The following SUGCT variants were observed in gnomAD, a reference collection of about 807,000 sequenced individuals.
SUGCT encodes the protein succinyl-CoA:glutarate-CoA transferase.
SUGCT carries 41 observed loss-of-function variants against 55.0 expected under a neutral mutation model. That is an observed-to-expected ratio of 0.74 (90% CI 0.58 to 0.97). SUGCT has a LOEUF of 0.97. Ranked by LOEUF, SUGCT falls within the 50% of genes least tolerant of loss-of-function variation. SUGCT has a pLI of 0.00. For missense variants in SUGCT, 568 were observed against 547.8 expected (o/e 1.04, Z -0.37); for synonymous variants, 187 against 200.4 (o/e 0.93, Z 0.56).
chr7:40,454,933 C>T (rs535194348), intron 10 of SUGCT, among the ~76,000 whole-genome samples: 20 of 152,164 alleles, frequency 1.3e-4, no homozygotes, highest in Middle Eastern at 3.4e-3. Context: ...GGAAAAGTAA[C>T]GTAAATAGTA....
At position 40,716,649 on chromosome 7, in the gene SUGCT, A is replaced by G. The variant is rs537340172; in HGVS notation, c.1090-32785A>G. ...GAGATTACTTTTATTAAATATTTCA[A>G]TTTAATATATAATAATAGAAAACTA... is the stretch of plus-strand genomic sequence containing the variant. On this transcript the variant is annotated intron_variant, in intron 12 of 13. Transcript: ENST00000335693. 3.0e-4 allele frequency among the ~76,000 whole-genome samples: 46 copies of G among 152,190 alleles called. No homozygotes were observed. The East Asian group carries it at 8.7e-3, about 29-fold the overall frequency.
At chr7:40,313,262 A>C in intron 8 of SUGCT, among the ~76,000 whole-genome samples, 1 of 152,212 alleles carries the variant, frequency 6.6e-6, no homozygotes, top group East Asian at 1.9e-4. Flanking sequence ...TAATAAGCCT[A>C]AGTTTAGGGA....
intron 8 of SUGCT, among the ~76,000 whole-genome samples, chr7:40,312,375 A>T (rs995193086): frequency 6.6e-6 from 1 of 152,106 alleles, no homozygotes; most frequent in African/African-American, 2.4e-5. Context: ...TTTTGTATCC[A>T]TCTGGATATT....
At chr7:40,904,351 C>T in the SUGCT span, among the ~76,000 whole-genome samples, 1 of 152,208 alleles carries the variant, frequency 6.6e-6, no homozygotes, top group Non-Finnish European at 1.5e-5. Context: ...TTGGATTTTA[C>T]ACCATGAGGT....
downstream of SUGCT, among the ~76,000 whole-genome samples, chr7:40,863,916 G>T (rs1563056964): frequency 6.6e-6 from 1 of 152,024 alleles, no homozygotes; most frequent in Admixed American, 6.6e-5. Flanking sequence ...GGAAGATGAA[G>T]AGATGCAGAA....
intron 9 of SUGCT, among the ~76,000 whole-genome samples, chr7:40,368,492 C>T (rs750653671): frequency 1.4e-4 from 22 of 152,072 alleles, no homozygotes; most frequent in Admixed American, 9.8e-4. Context: ...CCACCACACC[C>T]GGACTATTGT....
chr7:40,883,643 C>T, the SUGCT span, among the ~76,000 whole-genome samples: 1 of 152,160 alleles, frequency 6.6e-6, no homozygotes, highest in African/African-American at 2.4e-5. Context: ...ATGTTGGCTG[C>T]TATAATTGTT....
the SUGCT span, among the ~76,000 whole-genome samples, chr7:41,017,155 A>G: frequency 1.3e-5 from 2 of 152,138 alleles, no homozygotes; most frequent in African/African-American, 4.8e-5. Context: ...CTTGCAAAGC[A>G]ATACAGACGT....
At chr7:40,874,808 A>G in the SUGCT span, among the ~76,000 whole-genome samples, 2 of 152,190 alleles carry the variant, frequency 1.3e-5, no homozygotes, top group Non-Finnish European at 2.9e-5. Context: ...AGGCTTCAAG[A>G]TCTATCCTTT....
chr7:40,245,419 ATATATT>A (rs1426427755), intron 7 of SUGCT, among the ~76,000 whole-genome samples: 2 of 24,974 alleles, frequency 8.0e-5, no homozygotes, highest in South Asian at 1.7e-3. Context: ...ATATATATAT[ATATATT>A]TTTTTTTTTT....
intron 12 of SUGCT, among the ~76,000 whole-genome samples, chr7:40,655,053 T>C (rs1295085038): frequency 6.6e-6 from 1 of 152,160 alleles, no homozygotes; most frequent in Non-Finnish European, 1.5e-5. Context: ...ATATCACTTT[T>C]GGAGGCTGAG....
intron 13 of SUGCT, among the ~76,000 whole-genome samples, chr7:40,806,609 ACAT>A (rs923948424): frequency 8.5e-5 from 13 of 152,206 alleles, no homozygotes; most frequent in African/African-American, 3.1e-4. Flanking sequence ...GTTAGGAAAA[ACAT>A]CATCATGAAT....
At chr7:40,295,745 T>G in intron 8 of SUGCT, among the ~76,000 whole-genome samples, 1 of 152,176 alleles carries the variant, frequency 6.6e-6, no homozygotes, top group East Asian at 1.9e-4. Flanking sequence ...ATGTAAACAT[T>G]GTCTGTATGA....
chr7:40,873,149 A>C, the SUGCT span, among the ~76,000 whole-genome samples: 1 of 152,256 alleles, frequency 6.6e-6, no homozygotes, highest in Non-Finnish European at 1.5e-5. Flanking sequence ...ATACATGTGC[A>C]AAATATTAAT....
intron 13 of SUGCT, among the ~76,000 whole-genome samples, chr7:40,806,864 G>A (rs924072178): frequency 1.3e-5 from 2 of 152,326 alleles, no homozygotes; most frequent in African/African-American, 2.4e-5. Context: ...GAGGGAATCT[G>A]TATCTCAGAG....
chr7:40,181,104 T>G, intron 2 of SUGCT, 106 bp downstream of exon 2: 1 of 823,414 alleles, frequency 1.2e-6, no homozygotes, highest in African/African-American at 1.7e-5. Context: ...ATGTTGAAAT[T>G]TTAGAGAAGA....
In SUGCT at chr7:40,316,871, T is replaced by C. The variant is rs1584662648; in HGVS notation, c.816+16T>C. The C allele has an allele frequency of 7.0e-7, 1 of 1,425,442 alleles. No individual in the cohort carries two copies. Among genetic ancestry groups the C allele is most frequent in the Middle Eastern group, 1.8e-4 (1 of 5,660 alleles). 88.3% of individuals were successfully genotyped at this position (1,425,442 alleles called of 1,614,324 possible). A position where few individuals can be genotyped will look rare whatever the true frequency, so the allele number is the denominator to read the frequency against. ...TCCTTACCAGGTAAGACTACAGCAG[T>C]CTAGGGTTGGGCTGTTGTAATTTGC... On this transcript the variant is annotated intron_variant, in intron 9 of 13. Coordinates refer to ENST00000335693, the MANE Select transcript of SUGCT (RefSeq NM_001193313.2).
At chr7:40,934,745 G>A in the SUGCT span, among the ~76,000 whole-genome samples, 1 of 152,326 alleles carries the variant, frequency 6.6e-6, no homozygotes, top group East Asian at 1.9e-4. Context: ...GACCCGCCAA[G>A]CCAGGCACAA....
At chr7:40,568,981 T>C (rs1796292601) in intron 12 of SUGCT, among the ~76,000 whole-genome samples, 1 of 152,158 alleles carries the variant, frequency 6.6e-6, no homozygotes, top group South Asian at 2.1e-4. Flanking sequence ...CTGCAAAGCA[T>C]AAATAATAAC....
Sources: allele counts gnomAD v4.1 joint callset (sites outside exome capture counted in the v4.1 genomes callset), GRCh38; gene constraint gnomAD v4.1.1; transcripts MANE v1.5; gene names NCBI Gene and HGNC (gene_info 2026-07-23, HGNC 2026-07-21).